Variants in PRKCB observed in about 807,000 individuals in gnomAD.
PRKCB encodes the protein protein kinase C beta.
Under a neutral mutation model 81.5 loss-of-function variants are expected in PRKCB, and 13 were observed. That is an observed-to-expected ratio of 0.16 (90% confidence interval 0.10 to 0.25). PRKCB has a LOEUF of 0.25. Ranked by LOEUF, PRKCB falls within the 10% of genes least tolerant of loss-of-function variation. The pLI is 1.00. For missense variants in PRKCB, 509 were observed against 875.7 expected, an observed-to-expected ratio of 0.58 and a Z score of 5.29; for synonymous variants, 335 against 321.4, an observed-to-expected ratio of 1.04 and a Z score of -0.45.
chr16:24,096,666 A>AAAAAATATATATATAT (rs1406204037), intron 7 of PRKCB, among the ~76,000 whole-genome samples: 2 of 32,702 alleles, frequency 6.1e-5, no homozygotes, highest in Non-Finnish European at 1.2e-4. Context: ...AAAAAAAAAA[A>AAAAAATATATATATAT]ATATATATAT....
intron 9 of PRKCB, among the ~76,000 whole-genome samples, chr16:24,138,075 CAG>C (rs796812638): frequency 4.6e-4 from 70 of 152,320 alleles, no homozygotes; most frequent in African/African-American, 1.6e-3. Context: ...GATAAAGAGA[CAG>C]AGTCTCTATT....
intron 9 of PRKCB, among the ~76,000 whole-genome samples, chr16:24,144,578 G>A (rs1966960375): frequency 6.6e-6 from 1 of 152,224 alleles, no homozygotes; most frequent in African/African-American, 2.4e-5. Flanking sequence ...CGGGATTACA[G>A]GCATGAGCCA....
At chr16:23,940,913 GA>G (rs1964133762) in intron 2 of PRKCB, among the ~76,000 whole-genome samples, 1 of 152,168 alleles carries the variant, frequency 6.6e-6, no homozygotes. Flanking sequence ...TAGTTGTATG[GA>G]TTTGGTTAAA....
At chr16:24,032,475 C>T (rs1274826933) in intron 4 of PRKCB, among the ~76,000 whole-genome samples, 1 of 152,206 alleles carries the variant, frequency 6.6e-6, no homozygotes, top group African/African-American at 2.4e-5. Context: ...TTCTTTGAAT[C>T]TGGGCTGGCC....
chr16:24,088,236 G>A (rs1469589283), intron 5 of PRKCB, among the ~76,000 whole-genome samples: 1 of 152,184 alleles, frequency 6.6e-6, no homozygotes, highest in Non-Finnish European at 1.5e-5. Context: ...GGTTTTAGTA[G>A]CCAGAGCTCT....
chr16:23,990,168 T>C (rs985969221), intron 3 of PRKCB, among the ~76,000 whole-genome samples: 1 of 151,086 alleles, frequency 6.6e-6, no homozygotes, highest in South Asian at 2.1e-4. Context: ...GAGAAGAAGC[T>C]TTTTTTTTGG....
Position 24,055,440 on chromosome 16 carries a change from G to A in PRKCB, c.529+19893G>A, listed in dbSNP as rs372535942. Among the ~76,000 whole-genome samples, 31 of 152,344 alleles carry A rather than the reference G, an allele frequency of 2.0e-4. No individual in the cohort carries two copies. In the East Asian group the frequency reaches 4.8e-3, roughly 24 times the overall value. On this transcript the variant is annotated intron_variant, in intron 5 of 16. Coordinates refer to ENST00000643927, the MANE Select transcript of PRKCB (RefSeq NM_002738.7). Reference sequence around the variant, plus strand: ...CTGACGAGCTGCATGCGGCAGCCACGGATGGCTGGGTTTGGGCTTTCACGT... The same window carrying A: ...CTGACGAGCTGCATGCGGCAGCCACAGATGGCTGGGTTTGGGCTTTCACGT...
intron 3 of PRKCB, among the ~76,000 whole-genome samples, chr16:24,025,609 G>A (rs1965468789): frequency 6.6e-6 from 1 of 152,186 alleles, no homozygotes; most frequent in African/African-American, 2.4e-5. Context: ...ATAAGTCAGT[G>A]GTTTAAGTGC....
intron 3 of PRKCB, among the ~76,000 whole-genome samples, chr16:24,030,553 A>G (rs1223604445): frequency 6.6e-6 from 1 of 152,094 alleles, no homozygotes; most frequent in Non-Finnish European, 1.5e-5. Flanking sequence ...TAGCATTATC[A>G]GCATTTTACA....
chr16:24,183,412 G>C (rs1252074321), intron 13 of PRKCB, among the ~76,000 whole-genome samples: 3 of 152,144 alleles, frequency 2.0e-5, no homozygotes, highest in Non-Finnish European at 2.9e-5. Flanking sequence ...TATGGTTACT[G>C]TGTTACACGA....
At chr16:23,965,545 C>CAAT (rs920015356) in intron 2 of PRKCB, among the ~76,000 whole-genome samples, 2 of 152,134 alleles carry the variant, frequency 1.3e-5, no homozygotes, top group African/African-American at 4.8e-5. Flanking sequence ...AATCAATAAT[C>CAAT]AATAATCATC....
chr16:23,967,369 T>A lies in PRKCB; in HGVS notation c.206-21139T>A, dbSNP rs958033166. ...TCCTCATAGTCACCCATGGGGGCGA[T>A]AGGGTGGTGATGGTGATGTGGAGAA... is the stretch of plus-strand genomic sequence containing the variant. On this transcript the variant is annotated intron_variant, in intron 2 of 16. Coordinates refer to ENST00000643927, the MANE Select transcript of PRKCB (RefSeq NM_002738.7). Among the ~76,000 whole-genome samples, 3 of 152,190 alleles carry A rather than the reference T, an allele frequency of 2.0e-5. No homozygotes were observed. The South Asian group carries it at 6.2e-4, about 32-fold the overall frequency.
At chr16:23,871,340 G>T (rs1289729590) in intron 2 of PRKCB, among the ~76,000 whole-genome samples, 2 of 152,206 alleles carry the variant, frequency 1.3e-5, no homozygotes, top group Admixed American at 6.5e-5. Context: ...GCCCGTGAAG[G>T]ATTTGCCTGC....
At chr16:24,013,311 A>C (rs1965230447) in intron 3 of PRKCB, among the ~76,000 whole-genome samples, 1 of 152,246 alleles carries the variant, frequency 6.6e-6, no homozygotes, top group Non-Finnish European at 1.5e-5. Flanking sequence ...TAATTAGTTA[A>C]AAGTAATTAA....
At chr16:24,032,841 A>G (rs191330869) in intron 4 of PRKCB, among the ~76,000 whole-genome samples, 1 of 152,334 alleles carries the variant, frequency 6.6e-6, no homozygotes, top group Admixed American at 6.5e-5. Flanking sequence ...GGGGCAGTCC[A>G]TGGCTGTTGA....
At chr16:23,886,421 T>G (rs1012448145) in intron 2 of PRKCB, among the ~76,000 whole-genome samples, 4 of 143,468 alleles carry the variant, frequency 2.8e-5, no homozygotes, top group South Asian at 4.7e-4. Context: ...TTTTTTTTTT[T>G]TTTTTTTTTT....
In PRKCB at chr16:23,988,606, C is replaced by A; in HGVS notation, c.288+16C>A. 1 of 1,610,350 alleles carries A rather than the reference C, an allele frequency of 6.2e-7. No homozygotes were observed. The highest frequency in any genetic ancestry group is 1.1e-5 in the South Asian group (1 of 90,960). ...AGCCTCCGATGTAAGTAATGGGCAT[C>A]GATTGCTTTTCTCTGTCCACAGTCA... On this transcript the variant is annotated intron_variant, in intron 3 of 16. Coordinates refer to ENST00000643927, the MANE Select transcript of PRKCB (RefSeq NM_002738.7).
At chr16:23,954,271 T>C (rs1328873928) in intron 2 of PRKCB, among the ~76,000 whole-genome samples, 1 of 152,118 alleles carries the variant, frequency 6.6e-6, no homozygotes, top group Admixed American at 6.5e-5. Context: ...GATCTTAGAC[T>C]GACTTAGTGG....
intron 7 of PRKCB, among the ~76,000 whole-genome samples, chr16:24,108,810 C>G (rs1202378270): frequency 6.6e-6 from 1 of 151,970 alleles, no homozygotes; most frequent in Non-Finnish European, 1.5e-5. Flanking sequence ...CCTTTCCTGC[C>G]TTTCTATTCC....
Sources: gnomAD v4.1 joint callset for allele counts (sites outside exome capture counted in the v4.1 genomes callset) on GRCh38, gnomAD v4.1.1 for gene constraint, MANE v1.5 for transcripts, NCBI Gene and HGNC (gene_info 2026-07-23, HGNC 2026-07-21) for gene names.